MEGF11: variants seen among roughly 807,000 people sequenced by gnomAD.
The protein encoded by MEGF11 is multiple EGF like domains 11, also known as multiple epidermal growth factor-like domains protein 11.
A neutral mutation model predicts 146.6 loss-of-function variants in MEGF11; 126 were observed. The observed-to-expected ratio is 0.86, with a 90% CI of 0.74 to 1.00. The LOEUF is 1.00. Ranked by LOEUF, MEGF11 falls within the 50% of genes least tolerant of loss-of-function variation. The pLI is 0.00. For missense variants in MEGF11, 1,509 were observed against 1,521.2 expected (o/e 0.99, Z 0.13); for synonymous variants, 532 against 583.4 (o/e 0.91, Z 1.27).
chr15:66,140,775 G>A (rs1279133720), intron 1 of MEGF11, among the ~76,000 whole-genome samples: 1 of 152,140 alleles, frequency 6.6e-6, no homozygotes, highest in African/African-American at 2.4e-5. Flanking sequence ...CAGCCTGGCA[G>A]GCTTGGGAGA....
intron 2 of MEGF11, among the ~76,000 whole-genome samples, chr15:66,126,755 C>T (rs1348516945): frequency 1.3e-5 from 2 of 152,192 alleles, no homozygotes; most frequent in Admixed American, 6.5e-5. Context: ...GTCCAAAACC[C>T]ACAGAATAAC....
chr15:66,188,977 A>C (rs1440112801), intron 1 of MEGF11, among the ~76,000 whole-genome samples: 1 of 152,172 alleles, frequency 6.6e-6, no homozygotes, highest in African/African-American at 2.4e-5. Context: ...TTCTGAGTGG[A>C]GCTGGCTAGT....
At chr15:65,946,710 T>G (rs1280252742) in intron 10 of MEGF11, among the ~76,000 whole-genome samples, 1 of 152,204 alleles carries the variant, frequency 6.6e-6, no homozygotes, top group Non-Finnish European at 1.5e-5. Context: ...TGGTTCTTAT[T>G]CTGTGACATC....
intron 5 of MEGF11, among the ~76,000 whole-genome samples, chr15:66,055,871 C>T (rs1405089404): frequency 6.6e-6 from 1 of 152,028 alleles, no homozygotes; most frequent in Non-Finnish European, 1.5e-5. Flanking sequence ...TAGAGACTGG[C>T]CAGGATAAAA....
At chr15:66,111,941 A>C (rs1037259652) in intron 4 of MEGF11, among the ~76,000 whole-genome samples, 3 of 152,224 alleles carry the variant, frequency 2.0e-5, no homozygotes, top group Non-Finnish European at 2.9e-5. Context: ...TAAAATCCCA[A>C]ATCAGGCTAC....
At chr15:66,128,520 G>A in intron 1 of MEGF11, 109 bp from the exon 2 acceptor site, 1 of 562,190 alleles carries the variant, frequency 1.8e-6, no homozygotes, top group South Asian at 3.9e-5. Flanking sequence ...CACATTGCAG[G>A]CTTTGACTAA....
chr15:65,915,836 C>T (rs1395674624), intron 18 of MEGF11, among the ~76,000 whole-genome samples: 1 of 152,086 alleles, frequency 6.6e-6, no homozygotes, highest in Non-Finnish European at 1.5e-5. Context: ...CAGTATCTTC[C>T]ACCTGCCATG....
chr15:66,054,233 A>G (rs955925911), intron 5 of MEGF11, among the ~76,000 whole-genome samples: 2 of 152,130 alleles, frequency 1.3e-5, no homozygotes, highest in African/African-American at 4.8e-5. Flanking sequence ...GCTGCTCTCC[A>G]CTGGCTGGCA....
intron 7 of MEGF11, among the ~76,000 whole-genome samples, chr15:65,976,984 A>G (rs186652834): frequency 5.2e-4 from 79 of 152,150 alleles, no homozygotes; most frequent in African/African-American, 1.9e-3. Flanking sequence ...CCTGTCTAAC[A>G]CGGTGAAACC....
intron 1 of MEGF11, among the ~76,000 whole-genome samples, chr15:66,247,033 C>T (rs533888373): frequency 2.0e-5 from 3 of 152,170 alleles, no homozygotes; most frequent in South Asian, 4.2e-4. Flanking sequence ...GCCAAATGGT[C>T]CCATTTTACC....
At chr15:65,991,532 G>A (rs1301333800) in intron 5 of MEGF11, among the ~76,000 whole-genome samples, 3 of 152,126 alleles carry the variant, frequency 2.0e-5, no homozygotes, top group Admixed American at 6.5e-5. Context: ...GGCATCCCTG[G>A]CCTCTACCCA....
intron 1 of MEGF11, among the ~76,000 whole-genome samples, chr15:66,190,117 G>A (rs1597143330): frequency 1.3e-5 from 2 of 152,252 alleles, no homozygotes; most frequent in Non-Finnish European, 2.9e-5. Context: ...TCCGAATCTC[G>A]GCATGTCTAA....
At chr15:66,105,919 G>A (rs1229062594) in intron 4 of MEGF11, among the ~76,000 whole-genome samples, 1 of 152,206 alleles carries the variant, frequency 6.6e-6, no homozygotes, top group Non-Finnish European at 1.5e-5. Context: ...CCGCCACTCT[G>A]GCTCCCAGAT....
At chr15:66,029,840 C>T (rs148990253) in intron 5 of MEGF11, among the ~76,000 whole-genome samples, 5 of 152,322 alleles carry the variant, frequency 3.3e-5, no homozygotes, top group South Asian at 2.1e-4. Flanking sequence ...TTCCCTCCTG[C>T]GCTCCTCTAG....
At chr15:65,928,726 T>G (rs2079462738) in intron 12 of MEGF11, among the ~76,000 whole-genome samples, 199 bp from the exon 13 acceptor site, 1 of 151,664 alleles carries the variant, frequency 6.6e-6, no homozygotes, top group Non-Finnish European at 1.5e-5. Flanking sequence ...GTTTTGTAAG[T>G]GGGGATAACA....
intron 5 of MEGF11, among the ~76,000 whole-genome samples, chr15:65,991,783 A>G (rs1013487460): frequency 1.3e-5 from 2 of 152,238 alleles, no homozygotes; most frequent in South Asian, 2.1e-4. Context: ...CCGTGACCAC[A>G]CAGCTAACAA....
At chr15:65,943,530 G>A (rs758454195) in intron 10 of MEGF11, among the ~76,000 whole-genome samples, 1 of 152,204 alleles carries the variant, frequency 6.6e-6, no homozygotes, top group Non-Finnish European at 1.5e-5. Context: ...AGCCCTATGT[G>A]TGTCAGAGGT....
At chr15:65,930,392 G>C (rs1432283906) in intron 11 of MEGF11, among the ~76,000 whole-genome samples, 1 of 152,086 alleles carries the variant, frequency 6.6e-6, no homozygotes, top group Non-Finnish European at 1.5e-5. Context: ...AGCGGGAGCA[G>C]GAGAGACAGG....
chr15:66,039,813 T>TCAGCCTTCTCTCATCCCTA (rs1567213475), intron 5 of MEGF11, among the ~76,000 whole-genome samples: 1 of 81,926 alleles, frequency 1.2e-5, no homozygotes, highest in African/African-American at 4.5e-5. Context: ...GGGGTGACGG[T>TCAGCCTTCTCTCATCCCTA]CCTGAGCCGG....
Sources: gnomAD v4.1 joint callset for allele counts (sites outside exome capture counted in the v4.1 genomes callset) on GRCh38, gnomAD v4.1.1 for gene constraint, MANE v1.5 for transcripts, NCBI Gene and HGNC (gene_info 2026-07-23, HGNC 2026-07-21) for gene names.